The following LRRC47 variants were observed in gnomAD, a reference collection of about 807,000 sequenced individuals.
LRRC47 encodes leucine rich repeat containing 47.
In LRRC47, 31 loss-of-function variants were observed where a neutral mutation model predicts 40.9. The observed-to-expected ratio is 0.76, with a 90% CI of 0.57 to 1.02. The LOEUF (loss-of-function observed/expected upper bound fraction) is 1.02, where lower values mean the gene tolerates loss of function less well. Ranked by LOEUF, LRRC47 falls within the 50% of genes least tolerant of loss-of-function variation. The pLI is 0.00. For missense variants in LRRC47, 726 were observed against 796.1 expected (o/e 0.91, Z 1.06); for synonymous variants, 427 against 371.9 (o/e 1.15, Z -1.70).
At chr1:3,784,279 G>C in intron 3 of LRRC47, 168 bp from the exon 4 acceptor site, 1 of 616,522 alleles carries the variant, frequency 1.6e-6, no homozygotes, top group Non-Finnish European at 2.9e-6. Flanking sequence ...AGCTGCATGT[G>C]GGCTGCCACT....
intron 1 of LRRC47, among the ~76,000 whole-genome samples, chr1:3,792,525 A>G (rs1415499542): frequency 6.7e-6 from 1 of 148,568 alleles, no homozygotes; most frequent in African/African-American, 2.5e-5. Context: ...CAGTGGTGCA[A>G]TCTCGGTTCA....
At position 3,788,671 on chromosome 1, in the gene LRRC47, G is replaced by A. The variant is rs533638139; in HGVS notation, c.616-1361C>T. ...AATCAAGCTGCTCAGACACGGGTAAGGGCAGCATGGCTCAGAAATGGGATG... is the reference window on the plus strand; with the variant it reads ...AATCAAGCTGCTCAGACACGGGTAAAGGCAGCATGGCTCAGAAATGGGATG... On this transcript the variant is annotated intron_variant, in intron 1 of 6. Coordinates refer to ENST00000378251, the MANE Select transcript of LRRC47 (RefSeq NM_020710.3). 2.0e-5 allele frequency among the ~76,000 whole-genome samples: 3 copies of A among 152,262 alleles called. No homozygotes were observed. The East Asian group carries it at 5.8e-4, about 29-fold the overall frequency.
chr1:3,784,108 C>A lies in LRRC47; in HGVS notation c.1198G>T (p.Val400Phe). 6.2e-7 allele frequency: 1 copy of A among 1,608,760 alleles called. No individual in the cohort carries two copies. The change falls in exon 4 of 7, where the codon GTC becomes TTC. Residue 400 changes from valine (V) to phenylalanine (F), a missense_variant. Val to Phe is a conservative substitution (Grantham distance 50, BLOSUM62 -1). Coordinates refer to ENST00000378251, the MANE Select transcript of LRRC47 (RefSeq NM_020710.3). ...TTGGCTTCTTTCCGCCCCAAGGGGA[C>A]AATCTATCGGGCAGAAACCCACAAA... is the stretch of plus-strand genomic sequence containing the variant. ...CARPPQDLKI[V>F]PLGRKEAKAK...
chr1:3,792,464 C>CTTCT (rs1643635274), intron 1 of LRRC47, among the ~76,000 whole-genome samples: 1 of 142,418 alleles, frequency 7.0e-6, no homozygotes, highest in Non-Finnish European at 1.5e-5. Flanking sequence ...TGGACGCACA[C>CTTCT]TTTTTTTTTT....
At position 3,786,854 on chromosome 1, in the gene LRRC47, A is replaced by G; in HGVS notation, c.1072T>C (p.Ser358Pro). Reference sequence around the variant, plus strand: ...GGACCCCCACGGGCACCCACCTGCGAGGTGAGGAAGCGCTTGAGTGCATTC... The same window carrying G: ...GGACCCCCACGGGCACCCACCTGCGGGGTGAGGAAGCGCTTGAGTGCATTC... ...PGNALKRFLT[S>P]QTKLHEDLCE... The change falls in exon 2 of 7, where the codon TCG becomes CCG. Residue 358 changes from serine (S) to proline (P), a missense_variant. Ser to Pro is a moderately conservative substitution (Grantham distance 74). Transcript: ENST00000378251. The G allele has an allele frequency of 6.3e-7, 1 of 1,588,744 alleles. No individual in the cohort carries two copies. The highest frequency in any genetic ancestry group is 8.6e-7 in the Non-Finnish European group (1 of 1,165,888).
At chr1:3,788,978 G>A (rs1643602769) in intron 1 of LRRC47, among the ~76,000 whole-genome samples, 1 of 152,212 alleles carries the variant, frequency 6.6e-6, no homozygotes, top group Non-Finnish European at 1.5e-5. Context: ...TAACAGAACT[G>A]CCACAATTCT....
At position 3,796,404 on chromosome 1, in the gene LRRC47, GCAGCTCCCGCCGCCGCTCGCGCTCAGC is replaced by G; in HGVS notation, c.46_72del (p.Ala16_Leu24del). On this transcript the variant is annotated inframe_deletion, in exon 1 of 7. Coordinates refer to ENST00000378251, the MANE Select transcript of LRRC47 (RefSeq NM_020710.3). ...TCCTCCAGCCCGGGCCCCGTCAGCA[GCAGCTCCCGCCGCCGCTCGCGCTCAGC>G]CAGCTCCAGCTCCGGCCAAGACTCT... 2.6e-6 allele frequency: 4 copies of G among 1,516,296 alleles called. No homozygotes were observed. In the South Asian group the frequency reaches 3.6e-5, roughly 14 times the overall value. The allele number at this position is 1,516,296 out of a possible 1,614,324, so 93.9% of individuals were successfully genotyped here.
At position 3,780,934 on chromosome 1, in the gene LRRC47, C is replaced by G; in HGVS notation, c.*154G>C. 1 of 1,144,968 alleles carries G rather than the reference C, an allele frequency of 8.7e-7. No individual in the cohort carries two copies. The highest frequency in any genetic ancestry group is 1.2e-6 in the Non-Finnish European group (1 of 817,594). The allele number at this position is 1,144,968 out of a possible 1,614,324, so 70.9% of individuals were successfully genotyped here. ...CAGGCTGCAGTGACTCGAGATCACGCCACTGCACTCCAGCCTGGCGACAGA... is the reference window on the plus strand; with the variant it reads ...CAGGCTGCAGTGACTCGAGATCACGGCACTGCACTCCAGCCTGGCGACAGA... On this transcript the variant is annotated 3_prime_UTR_variant, in exon 7 of 7. Transcript: ENST00000378251.
intron 2 of LRRC47, among the ~76,000 whole-genome samples, chr1:3,785,775 G>A (rs1172641226): frequency 6.6e-6 from 1 of 152,042 alleles, no homozygotes; most frequent in Non-Finnish European, 1.5e-5. Flanking sequence ...AAGAGTTGAT[G>A]ACTTTAATAC....
At chr1:3,790,490 C>T (rs1643617242) in intron 1 of LRRC47, among the ~76,000 whole-genome samples, 1 of 152,250 alleles carries the variant, frequency 6.6e-6, no homozygotes. Context: ...CACACGCCTG[C>T]GTGATGGCCA....
rs1236769939 is a variant in LRRC47, at chr1:3,781,609, G to A, written c.1414-8C>T. 1 of 1,603,004 alleles carries A rather than the reference G, an allele frequency of 6.2e-7. No homozygotes were observed. Among genetic ancestry groups the A allele is most frequent in the African/African-American group, 1.3e-5 (1 of 74,572 alleles). ...AGAAGTCGTTTTCTTAACCTTAAAA[G>A]AAAAAAACATTTCAGAAAAGAACAG... On this transcript the variant is annotated splice_region_variant and splice_polypyrimidine_tract_variant and intron_variant, in intron 5 of 6. Transcript: ENST00000378251.
chr1:3,780,011 T>C lies in LRRC47; in HGVS notation c.*1077A>G, dbSNP rs564269690. 6.6e-6 allele frequency: 1 copy of C among 152,244 alleles called. No homozygotes were observed. The highest frequency in any genetic ancestry group is 1.5e-5 in the Non-Finnish European group (1 of 68,006). The allele number at this position is 152,244 out of a possible 1,614,324, so 9.4% of individuals were successfully genotyped here. ...TGCCAGCTGGAGAACCCAACGCCCT[T>C]GCACATGCCAAGCTGCATCCTGGCA... On this transcript the variant is annotated 3_prime_UTR_variant, in exon 7 of 7. Transcript: ENST00000378251.
intron 2 of LRRC47, among the ~76,000 whole-genome samples, chr1:3,785,782 A>T (rs1570737077): frequency 6.6e-6 from 1 of 152,376 alleles, no homozygotes; most frequent in East Asian, 1.9e-4. Flanking sequence ...GATGACTTTA[A>T]TACTGTCTTA....
In LRRC47 at chr1:3,782,739, A is replaced by G; in HGVS notation, c.1335T>C (p.Asn445=). 1 of 1,610,074 alleles carries G rather than the reference A, an allele frequency of 6.2e-7. No homozygotes were observed. Among genetic ancestry groups the G allele is most frequent in the Non-Finnish European group, 8.5e-7 (1 of 1,176,254 alleles). ...CATCCACAAGACACGGGTAATTTTC[A>G]TTTCCATCCAGCAAGTGAAGGTATC... ...LHRYLHLLDG[N]ENYPCLVDAD... is the part of the protein sequence containing the mutation. Residue 445 remains asparagine, a synonymous_variant, in exon 5 of 7, where the codon AAT becomes AAC. Coordinates refer to ENST00000378251, the MANE Select transcript of LRRC47 (RefSeq NM_020710.3).
At chr1:3,786,151 T>A (rs1466695708) in intron 2 of LRRC47, among the ~76,000 whole-genome samples, 1 of 151,682 alleles carries the variant, frequency 6.6e-6, no homozygotes, top group Non-Finnish European at 1.5e-5. Context: ...ATTACAGGCG[T>A]GAGCCACCGC....
rs148404692 is a variant in LRRC47, at chr1:3,787,185, G to A, written c.741C>T (p.Ser247=). ...LRDKRLEKMV[S]GCQTRSILEY... is the part of the protein sequence containing the mutation. ...CCAGGATGGATCTGGTCTGGCAGCCGCTGACCATCTTCTCCAGGCGCTTGT... is the reference window on the plus strand; with the variant it reads ...CCAGGATGGATCTGGTCTGGCAGCCACTGACCATCTTCTCCAGGCGCTTGT... The change falls in exon 2 of 7, where the codon AGC becomes AGT. Residue 247 remains serine, a synonymous_variant. Transcript: ENST00000378251. 63 of 1,613,810 alleles carry A rather than the reference G, an allele frequency of 3.9e-5. No individual in the cohort carries two copies. Among genetic ancestry groups the A allele is most frequent in the East Asian group, 2.2e-4 (10 of 44,876 alleles).
At chr1:3,795,531 G>A (rs1177971891) in intron 1 of LRRC47, among the ~76,000 whole-genome samples, 1 of 152,250 alleles carries the variant, frequency 6.6e-6, no homozygotes, top group Admixed American at 6.5e-5. Flanking sequence ...ATACAAAAAA[G>A]ACAGGTCTCT....
intron 2 of LRRC47, among the ~76,000 whole-genome samples, chr1:3,786,226 G>C (rs1643570909): frequency 6.6e-6 from 1 of 152,172 alleles, no homozygotes; most frequent in African/African-American, 2.4e-5. Context: ...GGCCAGGTGT[G>C]GTGGCTGACA....
chr1:3,781,816 C>A (rs1291999051), intron 5 of LRRC47, among the ~76,000 whole-genome samples: 1 of 151,996 alleles, frequency 6.6e-6, no homozygotes, highest in East Asian at 1.9e-4. Flanking sequence ...CCCATCTCTA[C>A]AAAAAAATAC....
Sources: gnomAD v4.1 joint callset for allele counts (sites outside exome capture counted in the v4.1 genomes callset) on GRCh38, gnomAD v4.1.1 for gene constraint, MANE v1.5 for transcripts, NCBI Gene and HGNC (gene_info 2026-07-23, HGNC 2026-07-21) for gene names.